The following OOSP1 variants were observed in gnomAD, a reference collection of about 807,000 sequenced individuals.
OOSP1 encodes putative oocyte-secreted protein 1 homolog.
A neutral mutation model predicts 5.7 loss-of-function variants in OOSP1; 11 were observed. The ratio of observed to expected loss-of-function variants is 1.94; its 90% CI spans 1.22 to 3.20. The LOEUF is 3.20. Among genes scored for constraint, OOSP1 ranks in the 30% most tolerant of loss-of-function variants. The pLI, the probability that OOSP1 is intolerant of heterozygous loss-of-function variation, is 0.00. For missense variants in OOSP1, 83 were observed against 54.1 expected (o/e 1.53, Z -1.67); for synonymous variants, 44 against 20.0 (o/e 2.20, Z -3.20).
chr11:59,942,610 TC>T lies in OOSP1; in HGVS notation c.77-231del, dbSNP rs550686523. On this transcript the variant is annotated intron_variant, in intron 1 of 4. Coordinates refer to ENST00000646685, the Ensembl canonical transcript of OOSP1. Reference sequence around the variant, plus strand: ...GAAATCTTATTTTGTATTGATTTTTTCCCCCCTATATATAGATTCACTAAAG... The same window carrying T: ...GAAATCTTATTTTGTATTGATTTTTTCCCCCTATATATAGATTCACTAAAG... 5.9e-5 allele frequency among the ~76,000 whole-genome samples: 9 copies of T among 152,242 alleles called. 1 individual carries two copies. The South Asian group carries it at 6.2e-4, about 11-fold the overall frequency.
In OOSP1 at chr11:59,938,540, A is replaced by G. The variant is rs1415927318; in HGVS notation, c.76+10A>G. On this transcript the variant is annotated intron_variant, in intron 1 of 4. Coordinates refer to ENST00000646685, the Ensembl canonical transcript of OOSP1. ...GCTGGGGACTGGTCAGGTATAACTT[A>G]TCACTTGGGGAATAGAAGTTTCTTA... The G allele has an allele frequency of 1.3e-5, 7 of 524,630 alleles. No homozygotes were observed. Among genetic ancestry groups the G allele is most frequent in the Non-Finnish European group, 2.1e-5 (6 of 291,432 alleles). The allele number at this position is 524,630 out of a possible 1,614,324, so 32.5% of individuals were successfully genotyped here.
At chr11:59,951,290 C>T (rs1384068147) in intron 4 of OOSP1, among the ~76,000 whole-genome samples, 1 of 151,638 alleles carries the variant, frequency 6.6e-6, no homozygotes, top group Non-Finnish European at 1.5e-5. Flanking sequence ...ACTTTTCTGT[C>T]ACTACCATAG....
At chr11:59,950,235 T>G (rs1853925050) in intron 4 of OOSP1, among the ~76,000 whole-genome samples, 1 of 152,182 alleles carries the variant, frequency 6.6e-6, no homozygotes, top group Non-Finnish European at 1.5e-5. Flanking sequence ...TTCGGAAACC[T>G]TATTTTGAAA....
intron 3 of OOSP1, among the ~76,000 whole-genome samples, chr11:59,947,102 G>C (rs1010439465): frequency 6.6e-5 from 10 of 151,988 alleles, no homozygotes; most frequent in Non-Finnish European, 1.5e-4. Flanking sequence ...GGTTTTTCTG[G>C]TTAAAATCCT....
chr11:59,956,781 A>T (rs1853997720), intron 4 of OOSP1, among the ~76,000 whole-genome samples: 2 of 152,130 alleles, frequency 1.3e-5, no homozygotes, highest in South Asian at 4.1e-4. Flanking sequence ...CTCAGTTCCC[A>T]CATATAAGTG....
At chr11:59,943,670 C>A (rs1044889129) in intron 2 of OOSP1, among the ~76,000 whole-genome samples, 1 of 152,136 alleles carries the variant, frequency 6.6e-6, no homozygotes, top group Non-Finnish European at 1.5e-5. Context: ...GAAGTTTGGT[C>A]AATTGCGACC....
exon 2 of OOSP1, chr11:59,942,964 A>G: frequency 2.8e-6 from 2 of 702,942 alleles, no homozygotes; most frequent in Non-Finnish European, 5.2e-6. Context: ...CATGTAACCC[A>G]TGTTTTGCCA....
chr11:59,949,763 G>A (rs910362553), intron 4 of OOSP1, among the ~76,000 whole-genome samples: 1 of 152,162 alleles, frequency 6.6e-6, no homozygotes, highest in South Asian at 2.1e-4. Flanking sequence ...TTATGATCAG[G>A]ATCACCCTGG....
chr11:59,953,320 C>T (rs1035763970), intron 4 of OOSP1, among the ~76,000 whole-genome samples: 2 of 152,118 alleles, frequency 1.3e-5, no homozygotes, highest in Admixed American at 1.3e-4. Flanking sequence ...GCTACTCAGG[C>T]TCTGGTCTCC....
At chr11:59,950,391 G>A (rs927351520) in intron 4 of OOSP1, among the ~76,000 whole-genome samples, 1 of 152,178 alleles carries the variant, frequency 6.6e-6, no homozygotes, top group Non-Finnish European at 1.5e-5. Context: ...CTTAAAGCCA[G>A]TAAGATTGCA....
At chr11:59,944,764 C>T (rs936128365) in intron 2 of OOSP1, among the ~76,000 whole-genome samples, 2 of 152,032 alleles carry the variant, frequency 1.3e-5, no homozygotes, top group Admixed American at 6.6e-5. Context: ...TGTTTAAACA[C>T]GGTTTCCAAG....
chr11:59,945,750 CAAAAAAAA>C (rs67604320), intron 3 of OOSP1, among the ~76,000 whole-genome samples: 51 of 45,844 alleles, frequency 1.1e-3, no homozygotes, highest in African/African-American at 4.8e-3. Flanking sequence ...GACTCTGTCT[CAAAAAAAA>C]AAAAAAAAAA....
At chr11:59,944,014 A>T (rs1853857240) in intron 2 of OOSP1, among the ~76,000 whole-genome samples, 1 of 152,202 alleles carries the variant, frequency 6.6e-6, no homozygotes, top group Admixed American at 6.5e-5. Context: ...CGGAATATTT[A>T]TTAAGAAGTG....
intron 3 of OOSP1, among the ~76,000 whole-genome samples, chr11:59,946,753 G>A (rs1383698588): frequency 6.6e-6 from 1 of 151,564 alleles, no homozygotes. Flanking sequence ...GTCAAGATCA[G>A]CATGTACTAT....
chr11:59,954,159 A>C (rs1265874567), intron 4 of OOSP1, among the ~76,000 whole-genome samples: 1 of 152,202 alleles, frequency 6.6e-6, no homozygotes, highest in Non-Finnish European at 1.5e-5. Context: ...AACAGGGTAC[A>C]CGTGTATAGA....
chr11:59,942,168 C>G (rs1590890471), intron 1 of OOSP1, among the ~76,000 whole-genome samples: 1 of 151,886 alleles, frequency 6.6e-6, no homozygotes, highest in East Asian at 1.9e-4. Flanking sequence ...CTTAAAAAAT[C>G]AAAAACAAAA....
At chr11:59,947,191 C>A (rs1270512499) in intron 3 of OOSP1, among the ~76,000 whole-genome samples, 2 of 152,046 alleles carry the variant, frequency 1.3e-5, no homozygotes, top group Non-Finnish European at 2.9e-5. Flanking sequence ...ATTATAATAG[C>A]AGCTAACATT....
intron 2 of OOSP1, among the ~76,000 whole-genome samples, chr11:59,943,542 T>G (rs566853514): frequency 6.6e-6 from 1 of 152,358 alleles, no homozygotes; most frequent in African/African-American, 2.4e-5. Flanking sequence ...CAAACACTAA[T>G]TATTCATTTA....
chr11:59,954,662 T>TATCTATCTATC (rs1555023086), intron 4 of OOSP1, among the ~76,000 whole-genome samples: 1 of 151,866 alleles, frequency 6.6e-6, no homozygotes, highest in Non-Finnish European at 1.5e-5. Context: ...TCTATCTATC[T>TATCTATCTATC]ATCTATCTAA....
Sources: allele counts gnomAD v4.1 joint callset (sites outside exome capture counted in the v4.1 genomes callset), GRCh38; gene constraint gnomAD v4.1.1; transcripts MANE v1.5; gene names NCBI Gene and HGNC (gene_info 2026-07-23, HGNC 2026-07-21).